The following CBLB variants were observed in gnomAD, a reference collection of about 807,000 sequenced individuals.
CBLB encodes the protein Cbl proto-oncogene B, also known as E3 ubiquitin-protein ligase CBL-B.
Under a neutral mutation model 104.9 loss-of-function variants are expected in CBLB, and 31 were observed. That is an observed-to-expected ratio of 0.30 (90% confidence interval 0.22 to 0.40). The LOEUF is 0.40. Ranked by LOEUF, CBLB falls within the 10% of genes least tolerant of loss-of-function variation. CBLB has a pLI of 1.00. For synonymous variants in CBLB, 440 were observed against 422.6 expected (o/e 1.04, Z -0.51); for missense variants, 1,062 against 1,214.6 (o/e 0.87, Z 1.87).
At chr3:105,664,595 C>T (rs1002529383) in intron 18 of CBLB, among the ~76,000 whole-genome samples, 24 of 152,028 alleles carry the variant, frequency 1.6e-4, no homozygotes, top group Admixed American at 1.0e-3. Flanking sequence ...TTTTCCAATG[C>T]GTGTATAATA....
Position 105,726,832 on chromosome 3 carries a change from T to G in CBLB, c.1204-6582A>C, listed in dbSNP as rs539412571. ...CTTTTCTGTTCTTGTGTTAGTTTGC[T>G]GAGAATGATGGCTTCCAGCTTCAAC... is the stretch of plus-strand genomic sequence containing the variant. On this transcript the variant is annotated intron_variant, in intron 9 of 18. Coordinates refer to ENST00000394030, the MANE Select transcript of CBLB (RefSeq NM_170662.5). Among the ~76,000 whole-genome samples, 21 of 152,336 alleles carry G rather than the reference T, an allele frequency of 1.4e-4. No homozygotes were observed. The South Asian group carries it at 4.1e-3, about 30-fold the overall frequency.
intron 3 of CBLB, among the ~76,000 whole-genome samples, chr3:105,798,854 T>C (rs1048960684): frequency 3.3e-5 from 5 of 152,198 alleles, no homozygotes; most frequent in Non-Finnish European, 7.3e-5. Context: ...GCCTGCCTTA[T>C]ATGTGTGTGA....
At chr3:105,828,863 A>G (rs1404560186) in intron 3 of CBLB, among the ~76,000 whole-genome samples, 1 of 152,226 alleles carries the variant, frequency 6.6e-6, no homozygotes, top group Non-Finnish European at 1.5e-5. Context: ...GAAGTTTTAT[A>G]CAACGTTCTC....
intron 18 of CBLB, among the ~76,000 whole-genome samples, chr3:105,664,871 TATC>T (rs1442258861): frequency 1.3e-5 from 2 of 152,298 alleles, no homozygotes; most frequent in East Asian, 3.9e-4. Context: ...CCATCACTAT[TATC>T]ATGATTTTAC....
intron 3 of CBLB, among the ~76,000 whole-genome samples, chr3:105,798,856 T>A (rs1197236848): frequency 5.3e-5 from 8 of 152,198 alleles, no homozygotes; most frequent in African/African-American, 1.7e-4. Flanking sequence ...CTGCCTTATA[T>A]GTGTGTGAGA....
intron 12 of CBLB, among the ~76,000 whole-genome samples, chr3:105,693,840 A>G (rs924301018): frequency 6.6e-6 from 1 of 152,042 alleles, no homozygotes; most frequent in Non-Finnish European, 1.5e-5. Flanking sequence ...ACTATAATTT[A>G]TATACACCAG....
At chr3:105,675,936 T>G (rs1452078841) in intron 17 of CBLB, among the ~76,000 whole-genome samples, 1 of 135,100 alleles carries the variant, frequency 7.4e-6, no homozygotes, top group Admixed American at 7.4e-5. Flanking sequence ...AGACTAGAAA[T>G]CTGTCATGTA....
chr3:105,802,193 C>T (rs1285402524), intron 3 of CBLB, among the ~76,000 whole-genome samples: 1 of 152,228 alleles, frequency 6.6e-6, no homozygotes, highest in Non-Finnish European at 1.5e-5. Context: ...TACTCGGCCC[C>T]TGCCCCTAGC....
In CBLB at chr3:105,821,439, T is replaced by G. The variant is rs146158326; in HGVS notation, c.419+31975A>C. ...CAGTCCTTTCTAGTCCTAAAATAGG[T>G]AGGAGCCCATCACACAAACCAGTCT... On this transcript the variant is annotated intron_variant, in intron 3 of 18. Coordinates refer to ENST00000394030, the MANE Select transcript of CBLB (RefSeq NM_170662.5). Among the ~76,000 whole-genome samples the G allele has an allele frequency of 7.0e-3, 1,066 of 152,218 alleles. 11 individuals are homozygous for G. Among genetic ancestry groups the G allele is most frequent in the African/African-American group, 0.025 (1,022 of 41,530 alleles).
At chr3:105,867,894 A>C (rs2092523115) in intron 1 of CBLB, among the ~76,000 whole-genome samples, 1 of 149,856 alleles carries the variant, frequency 6.7e-6, no homozygotes, top group African/African-American at 2.4e-5. Flanking sequence ...AAAAAAAAAG[A>C]ACAAACAAAA....
chr3:105,869,048 G>A, upstream of CBLB: 9 of 1,054,106 alleles, frequency 8.5e-6, no homozygotes, highest in Non-Finnish European at 1.1e-5. Context: ...ACCCAGGCTC[G>A]GGGCGGGGCG....
At chr3:105,681,391 C>T (rs2066295429) in intron 16 of CBLB, 88 bp downstream of exon 16, 1 of 1,388,154 alleles carries the variant, frequency 7.2e-7, no homozygotes, top group Non-Finnish European at 1.0e-6. Context: ...CCCAGTGAGT[C>T]TGTGTTATAC....
At chr3:105,785,589 A>G (rs1270603642) in intron 3 of CBLB, among the ~76,000 whole-genome samples, 1 of 152,172 alleles carries the variant, frequency 6.6e-6, no homozygotes, top group Non-Finnish European at 1.5e-5. Flanking sequence ...GTTCCCTGAC[A>G]GTTCCTTCCT....
At position 105,655,574 on chromosome 3, in the gene CBLB, G is replaced by T. The variant is rs373520045; in HGVS notation, c.*3396C>A. On this transcript the variant is annotated 3_prime_UTR_variant, in exon 19 of 19. Transcript: ENST00000394030. ...TAAAATATAAATTAATTGAACATAT[G>T]ACTATTTTGCCACATCACACAAGTT... 12 of 181,936 alleles carry T rather than the reference G, an allele frequency of 6.6e-5. No homozygotes were observed. The East Asian group carries it at 1.1e-3, about 16-fold the overall frequency. The allele number at this position is 181,936 out of a possible 1,614,324, so 11.3% of individuals were successfully genotyped here. A position where few individuals can be genotyped will look rare whatever the true frequency, so the allele number is the denominator to read the frequency against.
At chr3:105,864,676 G>A (rs1236792914) in intron 2 of CBLB, among the ~76,000 whole-genome samples, 2 of 152,116 alleles carry the variant, frequency 1.3e-5, no homozygotes, top group Non-Finnish European at 2.9e-5. Flanking sequence ...ACACAACTGA[G>A]CAATTACGCT....
chr3:105,735,518 G>T (rs1576721299), intron 8 of CBLB, among the ~76,000 whole-genome samples: 2 of 152,148 alleles, frequency 1.3e-5, no homozygotes, highest in Non-Finnish European at 1.5e-5. Flanking sequence ...AATTTAAGGG[G>T]ATGTTATTAC....
chr3:105,780,897 T>C lies in CBLB; in HGVS notation c.420-4355A>G, dbSNP rs1201427789. ...CAGGATGGTCTCAATCTCGACCTCATGATCTGCCCGCCTCGGCCTCCCAAA... is the reference window on the plus strand; with the variant it reads ...CAGGATGGTCTCAATCTCGACCTCACGATCTGCCCGCCTCGGCCTCCCAAA... On this transcript the variant is annotated intron_variant, in intron 3 of 18. Transcript: ENST00000394030. Among the ~76,000 whole-genome samples the C allele has an allele frequency of 2.6e-5, 4 of 152,092 alleles. No homozygotes were observed. In the East Asian group the frequency reaches 7.7e-4, roughly 29 times the overall value.
chr3:105,693,937 G>A (rs1414268749), intron 12 of CBLB, among the ~76,000 whole-genome samples: 2 of 151,700 alleles, frequency 1.3e-5, no homozygotes, highest in Non-Finnish European at 2.9e-5. Context: ...TCTCTATAAG[G>A]GGTAAAGAAA....
chr3:105,774,247 G>C (rs1459794200), intron 4 of CBLB, among the ~76,000 whole-genome samples: 1 of 151,894 alleles, frequency 6.6e-6, no homozygotes, highest in Non-Finnish European at 1.5e-5. Flanking sequence ...ACTAAGTTTT[G>C]GGAAAATACA....
Sources: gnomAD v4.1 joint callset for allele counts (sites outside exome capture counted in the v4.1 genomes callset) on GRCh38, gnomAD v4.1.1 for gene constraint, MANE v1.5 for transcripts, NCBI Gene and HGNC (gene_info 2026-07-23, HGNC 2026-07-21) for gene names.